ALK: variants seen among roughly 807,000 people sequenced by gnomAD.
ALK encodes the protein ALK tyrosine kinase receptor.
Under a neutral mutation model 163.1 loss-of-function variants are expected in ALK, and 74 were observed. That is an observed-to-expected ratio of 0.45 (90% CI 0.38 to 0.55). The LOEUF (loss-of-function observed/expected upper bound fraction) is 0.55. Ranked by LOEUF, ALK falls within the 20% of genes least tolerant of loss-of-function variation. ALK has a pLI of 0.00. For synonymous variants in ALK, 960 were observed against 843.2 expected, an observed-to-expected ratio of 1.14 and a Z score of -2.40; for missense variants, 2,063 against 2,105.3, an observed-to-expected ratio of 0.98 and a Z score of 0.39.
chr2:29,676,361 T>G (rs945273930), intron 3 of ALK, among the ~76,000 whole-genome samples: 5 of 152,120 alleles, frequency 3.3e-5, no homozygotes, highest in Non-Finnish European at 7.4e-5. Context: ...TTAATTTTTG[T>G]GTATGGTATG....
At chr2:29,650,632 TTC>T (rs1677011456) in intron 3 of ALK, among the ~76,000 whole-genome samples, 1 of 152,140 alleles carries the variant, frequency 6.6e-6, no homozygotes, top group African/African-American at 2.4e-5. Context: ...GCTTTCAGGT[TTC>T]TCTGTTTTCT....
At chr2:29,712,524 G>A (rs1222410591) in intron 2 of ALK, among the ~76,000 whole-genome samples, 2 of 152,132 alleles carry the variant, frequency 1.3e-5, no homozygotes, top group African/African-American at 4.8e-5. Flanking sequence ...TCAGAAATGC[G>A]ATCAAACTGA....
chr2:29,375,306 A>AT (rs199754577), intron 5 of ALK, among the ~76,000 whole-genome samples: 10,890 of 144,876 alleles, frequency 0.075, 511 homozygotes, highest in Non-Finnish European at 0.12. Flanking sequence ...TCCCTATTTT[A>AT]TTTTATTTTT....
chr2:29,555,208 C>T (rs1673819328), intron 3 of ALK, among the ~76,000 whole-genome samples: 1 of 152,218 alleles, frequency 6.6e-6, no homozygotes, highest in South Asian at 2.1e-4. Flanking sequence ...GACCCCTTTC[C>T]TGTAACACTA....
In ALK at chr2:29,531,936, A is replaced by G. The variant is rs1178669386; in HGVS notation, c.1133T>C (p.Met378Thr). Residue 378 changes from methionine (M) to threonine (T), a missense_variant, in exon 4 of 29, where the codon ATG becomes ACG. By Grantham distance (81) the Met-to-Thr change is moderately conservative (BLOSUM62 -1). Coordinates refer to ENST00000389048, the MANE Select transcript of ALK (RefSeq NM_004304.5). The stretch of plus-strand genomic sequence containing the variant: ...TTACCCATGCTTCCCTGGAGTGGGC[A>G]TCAGGAGGATCTCTCTTGCAGCCTC... ...HNEAAREILLMPTPGKHGWTV... is the reference protein window; with the variant it reads ...HNEAAREILLTPTPGKHGWTV... The G allele has an allele frequency of 3.7e-6, 6 of 1,614,076 alleles. No individual in the cohort carries two copies. Among genetic ancestry groups the G allele is most frequent in the South Asian group, 1.1e-5 (1 of 91,090 alleles).
intron 26 of ALK, among the ~76,000 whole-genome samples, chr2:29,205,272 G>A (rs1446694850): frequency 6.6e-6 from 1 of 151,852 alleles, no homozygotes; most frequent in Admixed American, 6.5e-5. Context: ...TTTCTTAAAT[G>A]TTTGTTGATT....
chr2:29,231,552 C>T (rs1104870), intron 15 of ALK, among the ~76,000 whole-genome samples: 76,473 of 151,904 alleles, frequency 0.5, 20,751 homozygotes, highest in Middle Eastern at 0.66. Context: ...GTGCTGCAAA[C>T]GTCACTGGAG....
chr2:29,850,747 C>T (rs1665969634), intron 1 of ALK, among the ~76,000 whole-genome samples: 1 of 152,178 alleles, frequency 6.6e-6, no homozygotes, highest in Admixed American at 6.5e-5. Flanking sequence ...TGTAGTACTT[C>T]CCAAGGGAAC....
rs143197010 is a variant in ALK at position 29,278,999 on chromosome 2, C to T, written c.1818-3503G>A. ...GTGCCTGGGGGGGGGGACAGAATCG[C>T]GGCTATCCTCTAAATGGGTGCTCCC... On this transcript the variant is annotated intron_variant, in intron 9 of 28. Transcript: ENST00000389048. Among the ~76,000 whole-genome samples, 786 of 152,120 alleles carry T rather than the reference C, an allele frequency of 5.2e-3. 8 individuals carry two copies. The highest frequency in any genetic ancestry group is 0.018 in the African/African-American group (737 of 41,500).
intron 3 of ALK, among the ~76,000 whole-genome samples, chr2:29,610,919 AG>A (rs1225287178): frequency 1.3e-5 from 2 of 152,158 alleles, no homozygotes; most frequent in Admixed American, 1.3e-4. Flanking sequence ...TACTTCCTCT[AG>A]GACCCCACTG....
chr2:29,856,431 AG>A (rs553845186), intron 1 of ALK, among the ~76,000 whole-genome samples: 10 of 152,226 alleles, frequency 6.6e-5, no homozygotes, highest in Non-Finnish European at 1.5e-4. Context: ...AATGTGTACC[AG>A]GTATTTTACA....
intron 3 of ALK, among the ~76,000 whole-genome samples, chr2:29,650,450 T>G (rs1459764092): frequency 6.6e-6 from 1 of 152,118 alleles, no homozygotes. Flanking sequence ...GGTAACTCTC[T>G]TTAAGGTGGC....
In ALK at chr2:29,536,399, C is replaced by T. The variant is rs565315056; in HGVS notation, c.953-4283G>A. ...GCTCTCACTCTCACCATGTGGCATG[C>T]TGGTTCCTTGTTGCCTTCTGCCATG... On this transcript the variant is annotated intron_variant, in intron 3 of 28. Transcript: ENST00000389048. Among the ~76,000 whole-genome samples, 31 of 152,282 alleles carry T rather than the reference C, an allele frequency of 2.0e-4. No individual in the cohort carries two copies. The South Asian group carries it at 6.2e-3, about 30-fold the overall frequency.
At chr2:29,540,100 T>C (rs2148165209) in intron 3 of ALK, among the ~76,000 whole-genome samples, 1 of 152,328 alleles carries the variant, frequency 6.6e-6, no homozygotes, top group East Asian at 1.9e-4. Flanking sequence ...ACTGAAATGG[T>C]ATATTTTCAA....
intron 4 of ALK, among the ~76,000 whole-genome samples, chr2:29,461,518 C>A (rs920756685): frequency 1.3e-5 from 2 of 152,046 alleles, no homozygotes; most frequent in Non-Finnish European, 2.9e-5. Flanking sequence ...ATTGTGGGGC[C>A]CTTAAGAATT....
intron 1 of ALK, among the ~76,000 whole-genome samples, chr2:29,765,553 C>T (rs1024944093): frequency 3.9e-5 from 6 of 152,112 alleles, no homozygotes; most frequent in Non-Finnish European, 8.8e-5. Flanking sequence ...CTCAAGTGAT[C>T]CTTTGGTCTC....
chr2:29,751,154 T>C (rs1268900654), intron 1 of ALK, among the ~76,000 whole-genome samples: 1 of 152,108 alleles, frequency 6.6e-6, no homozygotes, highest in Non-Finnish European at 1.5e-5. Context: ...TACACCTGTA[T>C]AGGGCATTTA....
chr2:29,453,268 GT>G (rs1670868393), intron 4 of ALK, among the ~76,000 whole-genome samples: 1 of 152,180 alleles, frequency 6.6e-6, no homozygotes, highest in Admixed American at 6.5e-5. Flanking sequence ...GTCTCAGTCT[GT>G]TGCCCAGGGT....
chr2:29,289,286 G>A (rs1665954261), intron 9 of ALK, among the ~76,000 whole-genome samples: 1 of 152,178 alleles, frequency 6.6e-6, no homozygotes, highest in Non-Finnish European at 1.5e-5. Context: ...TGCTGATGAA[G>A]CCAGGGACTC....
Sources: allele counts gnomAD v4.1 joint callset (sites outside exome capture counted in the v4.1 genomes callset), GRCh38; gene constraint gnomAD v4.1.1; transcripts MANE v1.5; gene names NCBI Gene and HGNC (gene_info 2026-07-23, HGNC 2026-07-21).